Variants in MACROH2A2 observed in about 807,000 individuals in gnomAD.
The protein encoded by MACROH2A2 is macroH2A.2 histone.
Under a neutral mutation model 37.6 loss-of-function variants are expected in MACROH2A2, and 6 were observed. The observed-to-expected ratio is 0.16, with a 90% CI of 0.09 to 0.32. The LOEUF (loss-of-function observed/expected upper bound fraction) is 0.32. Among genes scored for constraint, MACROH2A2 ranks in the 10% least tolerant of loss-of-function variants. The pLI is 1.00. For synonymous variants in MACROH2A2, 192 were observed against 202.7 expected, an observed-to-expected ratio of 0.95 and a Z score of 0.45; for missense variants, 290 against 485.9, an observed-to-expected ratio of 0.60 and a Z score of 3.79.
chr10:70,084,560 T>C (rs768927443), intron 2 of MACROH2A2, among the ~76,000 whole-genome samples: 19 of 152,168 alleles, frequency 1.2e-4, no homozygotes, highest in Non-Finnish European at 2.5e-4. Flanking sequence ...AGAGCAAGAC[T>C]CCGTCTCTAA....
intron 7 of MACROH2A2, 69 bp downstream of exon 7, chr10:70,100,366 G>T: frequency 2.4e-6 from 2 of 833,048 alleles, no homozygotes; most frequent in South Asian, 1.5e-5. Flanking sequence ...CCAGCCTCAC[G>T]TGCCTCATGC....
intron 3 of MACROH2A2, 136 bp from the exon 4 acceptor site, chr10:70,091,621 C>G (rs1201881645): frequency 1.6e-6 from 1 of 620,600 alleles, no homozygotes; most frequent in Non-Finnish European, 2.8e-6. Context: ...CTGCAGTGAG[C>G]CAAGATCGCG....
intron 7 of MACROH2A2, among the ~76,000 whole-genome samples, chr10:70,108,376 G>T (rs979800247): frequency 2.0e-5 from 3 of 152,166 alleles, no homozygotes; most frequent in Admixed American, 2.0e-4. Context: ...TAAGATCCAG[G>T]TGTTGGCAGG....
intron 1 of MACROH2A2, among the ~76,000 whole-genome samples, chr10:70,060,064 C>T (rs1013714840): frequency 2.6e-5 from 4 of 152,184 alleles, no homozygotes; most frequent in Non-Finnish European, 4.4e-5. Context: ...CACAGTGCAG[C>T]CACTGCCTGA....
intron 2 of MACROH2A2, among the ~76,000 whole-genome samples, chr10:70,084,948 C>T (rs1487244112): frequency 6.6e-6 from 1 of 152,146 alleles, no homozygotes; most frequent in African/African-American, 2.4e-5. Context: ...AGTGGCCTTG[C>T]TGGCATGGAT....
chr10:70,094,969 A>T (rs1213400222), intron 5 of MACROH2A2, among the ~76,000 whole-genome samples: 1 of 152,186 alleles, frequency 6.6e-6, no homozygotes, highest in East Asian at 1.9e-4. Context: ...GGGAGAAGAG[A>T]GAGCAAGCCC....
chr10:70,080,087 CTGACCAACA>C lies in MACROH2A2; in HGVS notation c.172+4260_172+4268del, dbSNP rs564431064. Among the ~76,000 whole-genome samples, 197 of 152,160 alleles carry C rather than the reference CTGACCAACA, an allele frequency of 1.3e-3. 1 individual carries two copies. Among genetic ancestry groups the C allele is most frequent in the Non-Finnish European group, 2.6e-3 (175 of 67,996 alleles). ...CTGAGGTCAGGAGTTCGAGACCAGC[CTGACCAACA>C]TGGAGAAACCCCATCTCTAATAAAA... On this transcript the variant is annotated intron_variant, in intron 2 of 8. Transcript: ENST00000373255.
intron 2 of MACROH2A2, among the ~76,000 whole-genome samples, chr10:70,077,609 A>G (rs2072147103): frequency 6.6e-6 from 1 of 152,024 alleles, no homozygotes. Flanking sequence ...ACAGTGGCTC[A>G]CGCCTGTAAT....
intron 7 of MACROH2A2, among the ~76,000 whole-genome samples, chr10:70,103,199 C>G (rs1245049514): frequency 6.6e-6 from 1 of 152,134 alleles, no homozygotes; most frequent in Non-Finnish European, 1.5e-5. Flanking sequence ...ATGTTTGGCT[C>G]TACCACATCC....
At chr10:70,064,166 C>T (rs1018097109) in intron 1 of MACROH2A2, among the ~76,000 whole-genome samples, 2 of 152,116 alleles carry the variant, frequency 1.3e-5, no homozygotes, top group Non-Finnish European at 2.9e-5. Context: ...GTCAGGAGTT[C>T]GAGACCAGCC....
At chr10:70,083,321 C>T (rs549949661) in intron 2 of MACROH2A2, among the ~76,000 whole-genome samples, 3 of 152,302 alleles carry the variant, frequency 2.0e-5, no homozygotes, top group Non-Finnish European at 2.9e-5. Context: ...ACCCTCATTA[C>T]ACAACTCTTA....
intron 2 of MACROH2A2, among the ~76,000 whole-genome samples, chr10:70,079,310 A>T (rs921921921): frequency 6.0e-5 from 9 of 151,108 alleles, no homozygotes. Flanking sequence ...CCCCCAAATG[A>T]TTCTGATGGG....
At chr10:70,072,619 T>G (rs996100737) in intron 1 of MACROH2A2, among the ~76,000 whole-genome samples, 1 of 152,172 alleles carries the variant, frequency 6.6e-6, no homozygotes, top group Non-Finnish European at 1.5e-5. Flanking sequence ...TACATCAGCA[T>G]CACCACAAAC....
chr10:70,108,101 G>A (rs534796657), intron 7 of MACROH2A2, among the ~76,000 whole-genome samples: 19 of 152,040 alleles, frequency 1.2e-4, no homozygotes, highest in Non-Finnish European at 2.5e-4. Flanking sequence ...CCAGCTACTC[G>A]AGAGGCTGAG....
At chr10:70,111,493 C>A in intron 8 of MACROH2A2, 25 bp from the exon 9 acceptor site, 2 of 1,606,136 alleles carry the variant, frequency 1.2e-6, no homozygotes, top group Non-Finnish European at 1.7e-6. Flanking sequence ...AAAATGACAT[C>A]GGCTCTTCTT....
chr10:70,063,930 A>G (rs1259031444), intron 1 of MACROH2A2, among the ~76,000 whole-genome samples: 1 of 152,234 alleles, frequency 6.6e-6, no homozygotes, highest in African/African-American at 2.4e-5. Flanking sequence ...GGGGAGCGTG[A>G]TAAGTGGGGA....
rs139269449 is a variant in MACROH2A2 at position 70,101,544 on chromosome 10, G to A, written c.778+1247G>A. ...CAAGGCGTTTTCGAATCTGGACCCC[G>A]GACATGTTCCAAGACTCTTTTACAT... On this transcript the variant is annotated intron_variant, in intron 7 of 8. Coordinates refer to ENST00000373255, the MANE Select transcript of MACROH2A2 (RefSeq NM_018649.3). Among the ~76,000 whole-genome samples, 787 of 152,260 alleles carry A rather than the reference G, an allele frequency of 5.2e-3. 7 individuals are homozygous for A. Among genetic ancestry groups the A allele is most frequent in the South Asian group, 0.02 (97 of 4,822 alleles).
Position 70,102,485 on chromosome 10 carries a change from G to A in MACROH2A2, c.778+2188G>A, listed in dbSNP as rs148977919. 5.0e-3 allele frequency among the ~76,000 whole-genome samples: 767 copies of A among 152,322 alleles called. 6 individuals are homozygous for A. The highest frequency in any genetic ancestry group is 0.02 in the South Asian group (98 of 4,828). On this transcript the variant is annotated intron_variant, in intron 7 of 8. Coordinates refer to ENST00000373255, the MANE Select transcript of MACROH2A2 (RefSeq NM_018649.3). ...TGTAATCCCAGCACTTTGGGAGGCT[G>A]AGGCAGGCGGATCACGAGGACAGGA...
intron 7 of MACROH2A2, among the ~76,000 whole-genome samples, chr10:70,105,264 G>A (rs548875209): frequency 2.6e-5 from 4 of 152,312 alleles, no homozygotes; most frequent in East Asian, 1.9e-4. Flanking sequence ...GTGTGCTGTC[G>A]GGCGCAGGCA....
Sources: gnomAD v4.1 joint callset for allele counts (sites outside exome capture counted in the v4.1 genomes callset) on GRCh38, gnomAD v4.1.1 for gene constraint, MANE v1.5 for transcripts, NCBI Gene and HGNC (gene_info 2026-07-23, HGNC 2026-07-21) for gene names.